Variants in GALNT7 observed in about 807,000 individuals in gnomAD.
GALNT7 encodes polypeptide N-acetylgalactosaminyltransferase 7.
Under a neutral mutation model 82.1 loss-of-function variants are expected in GALNT7, and 60 were observed. The observed-to-expected ratio is 0.73, with a 90% CI of 0.59 to 0.91. The LOEUF (loss-of-function observed/expected upper bound fraction) is 0.91. GALNT7 is among the 40% of genes least tolerant of loss of function. The probability of loss-of-function intolerance (pLI) is 0.00; values close to 1 mark genes in which losing one functional copy is unlikely to be tolerated. For synonymous variants in GALNT7, 243 were observed against 275.1 expected (o/e 0.88, Z 1.15); for missense variants, 660 against 804.2 (o/e 0.82, Z 2.17).
At chr4:173,272,682 A>G (rs367560819) in intron 2 of GALNT7, among the ~76,000 whole-genome samples, 1 of 152,218 alleles carries the variant, frequency 6.6e-6, no homozygotes, top group East Asian at 1.9e-4. Context: ...TTGAAATAGT[A>G]TTACCAAATT....
intron 2 of GALNT7, among the ~76,000 whole-genome samples, chr4:173,263,629 C>T (rs1049059142): frequency 6.6e-5 from 10 of 152,086 alleles, no homozygotes; most frequent in Non-Finnish European, 1.2e-4. Context: ...CAACCAGCCT[C>T]CAAACTGGAA....
intron 1 of GALNT7, among the ~76,000 whole-genome samples, chr4:173,218,004 A>G (rs977244104): frequency 6.6e-6 from 1 of 152,220 alleles, no homozygotes. Context: ...ATTAAACTTC[A>G]CAATAACTGT....
At chr4:173,210,823 T>A (rs961702937) in intron 1 of GALNT7, among the ~76,000 whole-genome samples, 4 of 152,224 alleles carry the variant, frequency 2.6e-5, no homozygotes, top group African/African-American at 9.6e-5. Context: ...TAAATATCTT[T>A]TGTAGAAGAT....
intron 2 of GALNT7, among the ~76,000 whole-genome samples, chr4:173,264,094 A>C (rs1345547776): frequency 6.6e-6 from 1 of 152,200 alleles, no homozygotes; most frequent in East Asian, 1.9e-4. Context: ...TAGGAAAATA[A>C]TATACCAACC....
chr4:173,297,861 A>G, intron 5 of GALNT7: 1 of 1,504,796 alleles, frequency 6.6e-7, no homozygotes, highest in Non-Finnish European at 8.8e-7. Flanking sequence ...AACCACAGCA[A>G]GGTGGGGATG....
At chr4:173,283,761 A>G (rs1038721964) in intron 2 of GALNT7, among the ~76,000 whole-genome samples, 3 of 152,218 alleles carry the variant, frequency 2.0e-5, no homozygotes, top group African/African-American at 7.2e-5. Context: ...CTGCAAGTCG[A>G]ACTTGACTCT....
At chr4:173,246,936 G>A (rs111297242) in intron 1 of GALNT7, among the ~76,000 whole-genome samples, 1,950 of 152,142 alleles carry the variant, frequency 0.013, 32 homozygotes, top group South Asian at 0.04. Flanking sequence ...TTCACCAGCT[G>A]TGTCCTCTAT....
intron 2 of GALNT7, among the ~76,000 whole-genome samples, chr4:173,282,257 C>G (rs1736139715): frequency 6.6e-6 from 1 of 152,212 alleles, no homozygotes. Flanking sequence ...AAGCCCCCGT[C>G]TTCCCTGTGC....
At chr4:173,202,764 A>C (rs921791669) in intron 1 of GALNT7, among the ~76,000 whole-genome samples, 2 of 152,190 alleles carry the variant, frequency 1.3e-5, no homozygotes, top group African/African-American at 4.8e-5. Context: ...GCTCCATGAG[A>C]TACATACTAT....
intron 1 of GALNT7, among the ~76,000 whole-genome samples, chr4:173,203,755 C>T (rs1287766623): frequency 6.6e-6 from 1 of 152,196 alleles, no homozygotes; most frequent in Admixed American, 6.5e-5. Flanking sequence ...CTTCCTCCCA[C>T]ATTTTACGCT....
chr4:173,271,277 A>G (rs1206104197), intron 2 of GALNT7, among the ~76,000 whole-genome samples: 1 of 152,186 alleles, frequency 6.6e-6, no homozygotes, highest in Non-Finnish European at 1.5e-5. Context: ...AAGCTGCCAG[A>G]GTAATGTTCC....
chr4:173,220,825 G>T (rs1313003465), intron 1 of GALNT7, among the ~76,000 whole-genome samples: 1 of 152,100 alleles, frequency 6.6e-6, no homozygotes, highest in African/African-American at 2.4e-5. Flanking sequence ...TACAAAGGAC[G>T]TGAACTCATC....
chr4:173,274,282 A>G (rs1445984440), intron 2 of GALNT7, among the ~76,000 whole-genome samples: 1 of 152,338 alleles, frequency 6.6e-6, no homozygotes, highest in Non-Finnish European at 1.5e-5. Flanking sequence ...GACATAGTTC[A>G]GTATTCTTAA....
chr4:173,216,727 A>ATATATATATATAT (rs71244915), intron 1 of GALNT7, among the ~76,000 whole-genome samples: 1 of 12,980 alleles, frequency 7.7e-5, no homozygotes, highest in African/African-American at 2.8e-4. Flanking sequence ...ATATATATAT[A>ATATATATATATAT]TTTTTTTTTT....
In GALNT7 at chr4:173,168,891, TG is replaced by T. The variant is rs1387465755; in HGVS notation, c.60del (p.Leu21Ter). 1.9e-6 allele frequency: 3 copies of T among 1,612,022 alleles called. No homozygotes were observed. The highest frequency in any genetic ancestry group is 2.5e-6 in the Non-Finnish European group (3 of 1,178,716). On this transcript the variant is annotated frameshift_variant, in exon 1 of 12. Transcript: ENST00000265000. LOFTEE classifies it high-confidence loss of function. Reference sequence around the variant, plus strand: ...AGTTTGCTGGTGGTGGGAAGCTTCCTGGGGCTAGTGGTCCTCTGGTCTTCCC... The same window carrying T: ...AGTTTGCTGGTGGTGGGAAGCTTCCTGGGCTAGTGGTCCTCTGGTCTTCCC... Reference protein sequence around the residue: ...LRSLLVVGSFLGLVVLWSSLT... With the variant: ...LRSLLVVGSFXGLVVLWSSLT...
intron 2 of GALNT7, among the ~76,000 whole-genome samples, chr4:173,275,523 CA>C (rs1345834609): frequency 3.9e-5 from 6 of 152,182 alleles, no homozygotes; most frequent in Admixed American, 2.0e-4. Flanking sequence ...GAGAAGGCCA[CA>C]AGTGGTCTGG....
At position 173,322,618 on chromosome 4, in the gene GALNT7, A is replaced by G. The variant is rs1406573863; in HGVS notation, c.*901A>G. 2.0e-5 allele frequency: 3 copies of G among 152,196 alleles called. No homozygotes were observed. Among genetic ancestry groups the G allele is most frequent in the East Asian group, 1.9e-4 (1 of 5,204 alleles). 9.4% of individuals were successfully genotyped at this position (152,196 alleles called of 1,614,324 possible). ...CCAATACCTGCCAATACAGAAAACT[A>G]TTATCAGTTGTTATTGTTATCCCTT... is the stretch of plus-strand genomic sequence containing the variant. On this transcript the variant is annotated 3_prime_UTR_variant, in exon 12 of 12. Coordinates refer to ENST00000265000, the MANE Select transcript of GALNT7 (RefSeq NM_017423.3).
At chr4:173,248,612 G>T (rs1276550048) in intron 2 of GALNT7, among the ~76,000 whole-genome samples, 172 bp downstream of exon 2, 1 of 152,156 alleles carries the variant, frequency 6.6e-6, no homozygotes, top group Non-Finnish European at 1.5e-5. Context: ...CTCCATTTAT[G>T]CCATTGTATT....
chr4:173,207,495 C>G (rs1418965512), intron 1 of GALNT7, among the ~76,000 whole-genome samples: 3 of 152,074 alleles, frequency 2.0e-5, no homozygotes, highest in African/African-American at 7.2e-5. Context: ...TCTTTCATAC[C>G]ATTAAATATT....
Sources: gnomAD v4.1 joint callset for allele counts (sites outside exome capture counted in the v4.1 genomes callset) on GRCh38, gnomAD v4.1.1 for gene constraint, MANE v1.5 for transcripts, NCBI Gene and HGNC (gene_info 2026-07-23, HGNC 2026-07-21) for gene names.